ACYP2: variants seen among roughly 807,000 people sequenced by gnomAD.
ACYP2 encodes acylphosphatase 2, also known as acylphosphatase-2.
A neutral mutation model predicts 11.2 loss-of-function variants in ACYP2; 12 were observed. The observed-to-expected ratio is 1.08, with a 90% CI of 0.69 to 1.74. The LOEUF (loss-of-function observed/expected upper bound fraction) is 1.74, where lower values mean the gene tolerates loss of function less well. Among genes scored for constraint, ACYP2 ranks in the 40% most tolerant of loss-of-function variants. The pLI is 0.00. For missense variants in ACYP2, 134 were observed against 101.9 expected (o/e 1.31, Z -1.35); for synonymous variants, 43 against 32.2 (o/e 1.33, Z -1.13).
intron 4 of ACYP2, among the ~76,000 whole-genome samples, chr2:54,077,893 T>G (rs41385746): frequency 2.5e-4 from 38 of 152,032 alleles, no homozygotes; most frequent in African/African-American, 8.4e-4. Flanking sequence ...AGTTATGAAA[T>G]GCTAGACTAG....
intron 6 of ACYP2, among the ~76,000 whole-genome samples, chr2:54,264,528 C>T (rs760309535): frequency 4.1e-4 from 63 of 152,118 alleles, no homozygotes; most frequent in Admixed American, 2.6e-4. Context: ...GGAGACTAGC[C>T]AGGAAGGGCG....
rs557426147 is a variant in ACYP2, at chr2:53,985,426, A to G, written c.62+11616A>G. ...TCAGGTCAAAAGGGGATCCTGCTTC[A>G]TGTTCTCACTTCAGGACCCAGGCTG... On this transcript the variant is annotated intron_variant, in intron 2 of 6. Coordinates refer to ENST00000607452, the MANE Select transcript of ACYP2 (RefSeq NM_001320586.2). 3.3e-5 allele frequency among the ~76,000 whole-genome samples: 5 copies of G among 152,118 alleles called. No individual in the cohort carries two copies. In the East Asian group the frequency reaches 9.6e-4, roughly 29 times the overall value.
chr2:54,052,542 C>T (rs767690695), intron 3 of ACYP2, among the ~76,000 whole-genome samples: 1 of 152,052 alleles, frequency 6.6e-6, no homozygotes, highest in Non-Finnish European at 1.5e-5. Flanking sequence ...AACAATTGCT[C>T]TGTTAACGTA....
At chr2:53,980,552 A>T (rs1048895559) in intron 2 of ACYP2, among the ~76,000 whole-genome samples, 1 of 152,080 alleles carries the variant, frequency 6.6e-6, no homozygotes, top group Non-Finnish European at 1.5e-5. Context: ...CCTCATCTCT[A>T]TAAAAAATAA....
At chr2:54,148,548 G>A (rs1322506025) in intron 6 of ACYP2, among the ~76,000 whole-genome samples, 1 of 152,112 alleles carries the variant, frequency 6.6e-6, no homozygotes, top group Non-Finnish European at 1.5e-5. Context: ...GAATGATCAG[G>A]TGGAGATGCC....
intron 6 of ACYP2, among the ~76,000 whole-genome samples, chr2:54,236,800 C>A (rs966634968): frequency 2.0e-5 from 3 of 152,114 alleles, no homozygotes; most frequent in African/African-American, 7.2e-5. Flanking sequence ...TTAAATTTCT[C>A]TGTTTTGTCA....
chr2:54,198,935 G>C (rs1684635005), intron 6 of ACYP2, among the ~76,000 whole-genome samples: 1 of 152,214 alleles, frequency 6.6e-6, no homozygotes, highest in South Asian at 2.1e-4. Context: ...CTTCCTGGTA[G>C]ATAAAAGATG....
chr2:53,976,766 A>G (rs1291606332), intron 2 of ACYP2, among the ~76,000 whole-genome samples: 1 of 152,188 alleles, frequency 6.6e-6, no homozygotes, highest in Non-Finnish European at 1.5e-5. Flanking sequence ...TTTGAACTAG[A>G]GTATATGTGG....
chr2:54,000,914 A>G (rs1573486635), intron 2 of ACYP2, among the ~76,000 whole-genome samples: 1 of 152,212 alleles, frequency 6.6e-6, no homozygotes, highest in African/African-American at 2.4e-5. Context: ...AGTTTTGTCC[A>G]CTAATGCTGC....
intron 2 of ACYP2, among the ~76,000 whole-genome samples, chr2:54,048,454 T>G (rs1303938669): frequency 6.6e-6 from 1 of 152,166 alleles, no homozygotes; most frequent in Non-Finnish European, 1.5e-5. Flanking sequence ...TAACCATGTG[T>G]TAACAGCTAC....
intron 6 of ACYP2, among the ~76,000 whole-genome samples, chr2:54,150,602 A>G (rs1258950975): frequency 3.3e-5 from 5 of 151,346 alleles, no homozygotes; most frequent in African/African-American, 1.2e-4. Context: ...TTGTATTTTT[A>G]GTAGAGATGG....
At chr2:54,167,383 TCTG>T (rs1683030489) in intron 6 of ACYP2, among the ~76,000 whole-genome samples, 1 of 152,210 alleles carries the variant, frequency 6.6e-6, no homozygotes, top group Non-Finnish European at 1.5e-5. Context: ...TATAATCATA[TCTG>T]AAAAGATATA....
intron 4 of ACYP2, among the ~76,000 whole-genome samples, chr2:54,090,501 T>G (rs1410931858): frequency 6.6e-6 from 1 of 151,908 alleles, no homozygotes; most frequent in Admixed American, 6.5e-5. Context: ...CGGGGTGGCG[T>G]GCGCCTGGAT....
intron 6 of ACYP2, among the ~76,000 whole-genome samples, chr2:54,299,726 A>G (rs1221928207): frequency 1.3e-5 from 2 of 152,108 alleles, no homozygotes; most frequent in Admixed American, 1.3e-4. Flanking sequence ...GAAACATCTG[A>G]CTGAATTGTT....
chr2:53,994,093 G>A (rs1010153402), intron 2 of ACYP2, among the ~76,000 whole-genome samples: 27 of 152,278 alleles, frequency 1.8e-4, no homozygotes, highest in African/African-American at 6.3e-4. Flanking sequence ...CACTTTGGGA[G>A]TCCAAGGCGG....
chr2:53,976,969 A>AT (rs1217815555), intron 2 of ACYP2, among the ~76,000 whole-genome samples: 1 of 152,100 alleles, frequency 6.6e-6, no homozygotes, highest in Non-Finnish European at 1.5e-5. Flanking sequence ...AATTTTCACT[A>AT]TTTTTTTGTA....
At chr2:54,201,604 C>CTTTCTTTCTTTCTTTCTTTTCTT (rs1558608435) in intron 6 of ACYP2, among the ~76,000 whole-genome samples, 1 of 83,928 alleles carries the variant, frequency 1.2e-5, no homozygotes, top group African/African-American at 4.3e-5. Flanking sequence ...CTCTTTCTTT[C>CTTTCTTTCTTTCTTTCTTTTCTT]TTTCTTTCTT....
At chr2:54,041,100 T>C (rs1028349645) in intron 2 of ACYP2, among the ~76,000 whole-genome samples, 3 of 104,648 alleles carry the variant, frequency 2.9e-5, no homozygotes, top group African/African-American at 1.2e-4. Context: ...TCTCTTTCTT[T>C]CTTTCTTTCT....
At chr2:54,004,594 G>T (rs1157040638) in intron 2 of ACYP2, among the ~76,000 whole-genome samples, 1 of 151,264 alleles carries the variant, frequency 6.6e-6, no homozygotes, top group Non-Finnish European at 1.5e-5. Context: ...TGTATTTTTA[G>T]TAGAGACGGG....
Sources: gnomAD v4.1 joint callset for allele counts (sites outside exome capture counted in the v4.1 genomes callset) on GRCh38, gnomAD v4.1.1 for gene constraint, MANE v1.5 for transcripts, NCBI Gene and HGNC (gene_info 2026-07-23, HGNC 2026-07-21) for gene names.